Variants in NFX1 observed in about 807,000 individuals in gnomAD.
The protein encoded by NFX1 is nuclear transcription factor, X-box binding 1.
In NFX1, 69 loss-of-function variants were observed where a neutral mutation model predicts 137.2. The ratio of observed to expected loss-of-function variants is 0.50; its 90% CI spans 0.41 to 0.61. NFX1 has a LOEUF of 0.61. NFX1 is among the 20% of genes least tolerant of loss of function. The probability of loss-of-function intolerance (pLI) is 0.00; values close to 1 mark genes in which losing one functional copy is unlikely to be tolerated. For synonymous variants in NFX1, 495 were observed against 474.1 expected, an observed-to-expected ratio of 1.04 and a Z score of -0.57; for missense variants, 1,167 against 1,391.0, an observed-to-expected ratio of 0.84 and a Z score of 2.56.
At position 33,352,676 on chromosome 9, in the gene NFX1, A is replaced by G. The variant is rs2118643576; in HGVS notation, c.2686A>G (p.Lys896Glu). ...GCTACAGTGTGAATGTGGACGAAGA[A>G]AAGAGATGGTGATTTGCTCTGAAGC... The part of the protein sequence containing the change: ...VELQCECGRR[K>E]EMVICSEASS... Residue 896 changes from lysine (K) to glutamate (E), a missense_variant, in exon 17 of 24, where the codon AAA becomes GAA. Around this residue, in one of 3 missense-constraint regions of NFX1, gnomAD observed 312 missense variants for 312.8 expected, o/e 1.00. Transcript: ENST00000379540. 1 of 1,614,248 alleles carries G rather than the reference A, an allele frequency of 6.2e-7. No homozygotes were observed. The highest frequency in any genetic ancestry group is 2.2e-5 in the East Asian group (1 of 44,890).
chr9:33,354,891 A>G lies in NFX1; in HGVS notation c.2872A>G (p.Lys958Glu). The G allele has an allele frequency of 6.2e-7, 1 of 1,613,914 alleles. No homozygotes were observed. Among genetic ancestry groups the G allele is most frequent in the Non-Finnish European group, 8.5e-7 (1 of 1,179,954 alleles). The change falls in exon 19 of 24, where the codon AAG becomes GAG. Residue 958 changes from lysine to glutamate, a missense_variant and splice_region_variant. By Grantham distance (56) the Lys-to-Glu change is moderately conservative (BLOSUM62 1). Around this residue, in one of 3 missense-constraint regions of NFX1, gnomAD observed 312 missense variants for 312.8 expected, o/e 1.00. Coordinates refer to ENST00000379540, the MANE Select transcript of NFX1 (RefSeq NM_002504.6). ...DEECSALERK[K>E]RLAEAFHISE... The stretch of plus-strand genomic sequence containing the variant: ...GGAGTGTTCAGCCTTGGAAAGGAAA[A>G]AGTAAGTAGTTGCAGCTGCTTTTTT...
intron 19 of NFX1, among the ~76,000 whole-genome samples, chr9:33,356,723 AT>A (rs1276157813): frequency 1.3e-5 from 2 of 152,110 alleles, no homozygotes; most frequent in African/African-American, 4.8e-5. Context: ...GTGAATATCC[AT>A]TTGACGAGTA....
chr9:33,369,833 C>A, intron 23 of NFX1, 73 bp from the exon 24 acceptor site: 1 of 1,052,270 alleles, frequency 9.5e-7, no homozygotes, highest in Non-Finnish European at 1.5e-6. Flanking sequence ...TCAGCTGATC[C>A]TTAACTTTCT....
intron 9 of NFX1, among the ~76,000 whole-genome samples, chr9:33,324,405 G>T (rs765557226): frequency 3.3e-5 from 5 of 152,108 alleles, no homozygotes; most frequent in Middle Eastern, 3.4e-3. Context: ...ATTAAATTTA[G>T]CTGGGCATGG....
chr9:33,362,322 G>C (rs1014721451), intron 19 of NFX1, among the ~76,000 whole-genome samples: 1 of 152,078 alleles, frequency 6.6e-6, no homozygotes, highest in Non-Finnish European at 1.5e-5. Flanking sequence ...TCTCATATTT[G>C]TTGCAGCACT....
chr9:33,307,790 CTTTCTT>C (rs1370933138), intron 5 of NFX1, among the ~76,000 whole-genome samples: 1,565 of 120,052 alleles, frequency 0.013, 11 homozygotes, highest in African/African-American at 0.044. Flanking sequence ...TTCTTTCTTT[CTTTCTT>C]TTTTTTTTTT....
At chr9:33,309,109 G>C (rs200888034) in intron 5 of NFX1, among the ~76,000 whole-genome samples, 1 of 152,166 alleles carries the variant, frequency 6.6e-6, no homozygotes, top group Non-Finnish European at 1.5e-5. Context: ...TGTAATCCCA[G>C]CACTTTGGGA....
intron 9 of NFX1, 75 bp downstream of exon 9, chr9:33,319,202 T>C: frequency 8.2e-7 from 1 of 1,221,694 alleles, no homozygotes. Flanking sequence ...TTAAGCAATG[T>C]AGAAGTAAGT....
At position 33,354,900 on chromosome 9, in the gene NFX1, G is replaced by A. The variant is rs376669810; in HGVS notation, c.2873+8G>A. The A allele has an allele frequency of 1.6e-5, 26 of 1,613,788 alleles. No homozygotes were observed. The highest frequency in any genetic ancestry group is 1.9e-5 in the Non-Finnish European group (22 of 1,179,894). On this transcript the variant is annotated splice_region_variant and intron_variant, in intron 19 of 23. Coordinates refer to ENST00000379540, the MANE Select transcript of NFX1 (RefSeq NM_002504.6). ...AGCCTTGGAAAGGAAAAAGTAAGTA[G>A]TTGCAGCTGCTTTTTTAATCTCCTT...
intron 5 of NFX1, among the ~76,000 whole-genome samples, chr9:33,307,618 A>G (rs190782328): frequency 1.7e-4 from 26 of 152,196 alleles, no homozygotes; most frequent in African/African-American, 5.8e-4. Context: ...CTTCCATTAC[A>G]TTACACTGCT....
intron 9 of NFX1, among the ~76,000 whole-genome samples, chr9:33,326,459 C>T (rs963331763): frequency 1.3e-5 from 2 of 150,526 alleles, no homozygotes; most frequent in Non-Finnish European, 3.0e-5. Context: ...TAGCTCTCAC[C>T]TGTAATCCCA....
intron 2 of NFX1, among the ~76,000 whole-genome samples, chr9:33,300,580 A>C (rs1821521755): frequency 6.6e-6 from 1 of 152,168 alleles, no homozygotes; most frequent in Admixed American, 6.5e-5. Context: ...ATCTAGAAAG[A>C]CTTTGCTGCA....
At chr9:33,314,855 A>T (rs891614312) in intron 7 of NFX1, among the ~76,000 whole-genome samples, 1 of 152,226 alleles carries the variant, frequency 6.6e-6, no homozygotes, top group Non-Finnish European at 1.5e-5. Flanking sequence ...AGATGTATAC[A>T]ATTACCAAAA....
Position 33,318,728 on chromosome 9 carries a change from A to T in NFX1, c.1589-3A>T, listed in dbSNP as rs773288353. 7 of 1,613,806 alleles carry T rather than the reference A, an allele frequency of 4.3e-6. No homozygotes were observed. The East Asian group carries it at 1.6e-4, about 36-fold the overall frequency. On this transcript the variant is annotated splice_region_variant and splice_polypyrimidine_tract_variant and intron_variant, in intron 7 of 23. Coordinates refer to ENST00000379540, the MANE Select transcript of NFX1 (RefSeq NM_002504.6). ...GTTTTGTTTTTGAAATTTTCTCTTCAAGTATGCTATTGCGGCAGCACCTCC... is the reference window on the plus strand; with the variant it reads ...GTTTTGTTTTTGAAATTTTCTCTTCTAGTATGCTATTGCGGCAGCACCTCC...
intron 7 of NFX1, among the ~76,000 whole-genome samples, chr9:33,314,207 C>G (rs550439491): frequency 3.3e-5 from 5 of 152,088 alleles, no homozygotes; most frequent in Admixed American, 3.3e-4. Flanking sequence ...TGGTCTTGAA[C>G]TCCTGACCTC....
rs1822691906 is a variant in NFX1 at position 33,328,777 on chromosome 9, A to G, written c.2004+99A>G. The G allele has an allele frequency of 4.1e-6, 4 of 970,274 alleles. No homozygotes were observed. The Admixed American group carries it at 6.3e-5, about 15-fold the overall frequency. The allele number at this position is 970,274 out of a possible 1,614,324, so 60.1% of individuals were successfully genotyped here. A position where few individuals can be genotyped will look rare whatever the true frequency, so the allele number is the denominator to read the frequency against. On this transcript the variant is annotated intron_variant, in intron 10 of 23. Transcript: ENST00000379540. ...TCAAAATAACCTCAGTAGATTAGGT[A>G]TGGGAAGTGGTTGTGGCACTCAAGG... is the stretch of plus-strand genomic sequence containing the variant.
chr9:33,290,535 C>T lies in NFX1; in HGVS notation c.-38C>T, dbSNP rs1163863930. 5.6e-6 allele frequency: 9 copies of T among 1,613,432 alleles called. No individual in the cohort carries two copies. Among genetic ancestry groups the T allele is most frequent in the Admixed American group, 1.7e-5 (1 of 60,028 alleles). ...GCACGTGACCTGGTGACAGTGCTGA[C>T]TTGGCTGTACAGCTCGATCTAGGTT... On this transcript the variant is annotated 5_prime_UTR_variant, in exon 1 of 24. Transcript: ENST00000379540.
chr9:33,325,112 C>T (rs182315289), intron 9 of NFX1, among the ~76,000 whole-genome samples: 51 of 152,134 alleles, frequency 3.4e-4, no homozygotes, highest in Admixed American at 1.7e-3. Flanking sequence ...TAGATAAAAA[C>T]TTTCAAATGT....
chr9:33,338,336 CAG>C (rs1823089443), intron 11 of NFX1, among the ~76,000 whole-genome samples, 172 bp from the exon 12 acceptor site: 1 of 152,166 alleles, frequency 6.6e-6, no homozygotes, highest in Admixed American at 6.5e-5. Flanking sequence ...GCCTGGGCGA[CAG>C]AGAAAGACTC....
Sources: allele counts gnomAD v4.1 joint callset (sites outside exome capture counted in the v4.1 genomes callset), GRCh38; gene constraint gnomAD v4.1.1; regional missense constraint gnomAD v4.1.1; transcripts MANE v1.5; gene names NCBI Gene and HGNC (gene_info 2026-07-23, HGNC 2026-07-21).